The following EFNA5 variants were observed in gnomAD, a reference collection of about 807,000 sequenced individuals.
The protein encoded by EFNA5 is ephrin-A5.
A neutral mutation model predicts 22.9 loss-of-function variants in EFNA5; 5 were observed. The ratio of observed to expected loss-of-function variants is 0.22; its 90% CI spans 0.11 to 0.46. The LOEUF is 0.46. Among genes scored for constraint, EFNA5 ranks in the 20% least tolerant of loss-of-function variants. EFNA5 has a pLI of 0.99. For synonymous variants in EFNA5, 113 were observed against 112.2 expected (o/e 1.01, Z -0.04); for missense variants, 237 against 293.3 (o/e 0.81, Z 1.40).
chr5:107,550,308 T>C (rs1748260865), intron 1 of EFNA5, among the ~76,000 whole-genome samples: 1 of 152,222 alleles, frequency 6.6e-6, no homozygotes, highest in African/African-American at 2.4e-5. Context: ...TTAATATGAT[T>C]GAATCATATA....
intron 1 of EFNA5, among the ~76,000 whole-genome samples, chr5:107,658,923 T>C (rs6896050): frequency 0.013 from 1,958 of 152,266 alleles, 50 homozygotes; most frequent in African/African-American, 0.044. Flanking sequence ...TACTGCAGTA[T>C]CTCCAGTACT....
intron 1 of EFNA5, among the ~76,000 whole-genome samples, chr5:107,627,102 C>T (rs1750158433): frequency 6.6e-6 from 1 of 152,168 alleles, no homozygotes; most frequent in African/African-American, 2.4e-5. Context: ...ATCTTCTTCT[C>T]ATAATATTTG....
intron 2 of EFNA5, among the ~76,000 whole-genome samples, chr5:107,420,907 A>G (rs1451871352): frequency 2.6e-5 from 4 of 152,168 alleles, no homozygotes; most frequent in Non-Finnish European, 4.4e-5. Flanking sequence ...TTGCACTTCT[A>G]CGAAAAACTA....
chr5:107,463,707 T>C (rs1238408100), intron 1 of EFNA5, among the ~76,000 whole-genome samples: 1 of 152,012 alleles, frequency 6.6e-6, no homozygotes, highest in African/African-American at 2.4e-5. Context: ...AGGGATGCTA[T>C]AGCTATAAGA....
intron 1 of EFNA5, among the ~76,000 whole-genome samples, chr5:107,633,897 G>C (rs574342354): frequency 7.9e-5 from 12 of 152,220 alleles, no homozygotes; most frequent in Admixed American, 2.0e-4. Context: ...CCTAGATCTA[G>C]CCCAGGAAGT....
intron 1 of EFNA5, among the ~76,000 whole-genome samples, chr5:107,637,391 C>T (rs768215897): frequency 2.2e-4 from 33 of 152,078 alleles, no homozygotes; most frequent in Non-Finnish European, 4.7e-4. Context: ...AATCACAAAC[C>T]TAACCCTCAA....
chr5:107,605,694 C>T (rs1479892391), intron 1 of EFNA5, among the ~76,000 whole-genome samples: 1 of 152,044 alleles, frequency 6.6e-6, no homozygotes, highest in Non-Finnish European at 1.5e-5. Flanking sequence ...TTTCAACAGG[C>T]TTTGACTGAG....
intron 1 of EFNA5, among the ~76,000 whole-genome samples, chr5:107,660,426 A>G (rs917756301): frequency 2.0e-5 from 3 of 150,420 alleles, no homozygotes; most frequent in Non-Finnish European, 3.0e-5. Context: ...TGTTGACAAT[A>G]AAGTATGTAT....
intron 1 of EFNA5, among the ~76,000 whole-genome samples, chr5:107,637,560 T>C (rs920495035): frequency 6.6e-6 from 1 of 151,536 alleles, no homozygotes; most frequent in Non-Finnish European, 1.5e-5. Context: ...TTTTCAAGTA[T>C]GGTACTGAGT....
At chr5:107,416,041 A>G (rs941058683) in intron 2 of EFNA5, among the ~76,000 whole-genome samples, 7 of 152,226 alleles carry the variant, frequency 4.6e-5, no homozygotes, top group African/African-American at 1.7e-4. Context: ...TATACTTTCA[A>G]TACTCTTGCT....
intron 1 of EFNA5, among the ~76,000 whole-genome samples, chr5:107,471,102 A>C (rs1750128934): frequency 6.6e-6 from 1 of 152,112 alleles, no homozygotes; most frequent in African/African-American, 2.4e-5. Context: ...CCAATTCATC[A>C]GGCTTTCCCA....
chr5:107,611,199 A>G (rs1749814463), intron 1 of EFNA5, among the ~76,000 whole-genome samples: 1 of 152,230 alleles, frequency 6.6e-6, no homozygotes, highest in Non-Finnish European at 1.5e-5. Flanking sequence ...ACCGACAAAA[A>G]TAATGACATA....
intron 1 of EFNA5, among the ~76,000 whole-genome samples, chr5:107,596,778 A>C (rs988852924): frequency 6.6e-6 from 1 of 152,172 alleles, no homozygotes; most frequent in Non-Finnish European, 1.5e-5. Context: ...TCCAAAGTAG[A>C]CATGAGGAAA....
intron 1 of EFNA5, among the ~76,000 whole-genome samples, chr5:107,629,416 T>C (rs2112534889): frequency 1.3e-5 from 2 of 152,282 alleles, no homozygotes; most frequent in South Asian, 4.1e-4. Flanking sequence ...TATGATACTA[T>C]AATAGTGGAA....
intron 1 of EFNA5, among the ~76,000 whole-genome samples, chr5:107,580,172 T>C (rs1051669948): frequency 3.3e-5 from 5 of 152,308 alleles, no homozygotes; most frequent in East Asian, 1.9e-4. Flanking sequence ...GCCAGTGCAA[T>C]TGAAGATACT....
intron 2 of EFNA5, among the ~76,000 whole-genome samples, chr5:107,414,432 T>C (rs894306734): frequency 1.3e-5 from 2 of 152,202 alleles, no homozygotes; most frequent in African/African-American, 2.4e-5. Flanking sequence ...CACTGGATTG[T>C]GAGCTCCTAG....
chr5:107,642,596 AATCACCACTT>A (rs1251333672), intron 1 of EFNA5, among the ~76,000 whole-genome samples: 2 of 152,176 alleles, frequency 1.3e-5, no homozygotes, highest in Non-Finnish European at 2.9e-5. Flanking sequence ...ATCACCACTT[AATCACCACTT>A]AATTGGGCAG....
At chr5:107,409,419 G>C (rs1237079407) in intron 2 of EFNA5, among the ~76,000 whole-genome samples, 1 of 152,168 alleles carries the variant, frequency 6.6e-6, no homozygotes, top group African/African-American at 2.4e-5. Flanking sequence ...TAACTATGTA[G>C]GTAGGATAAT....
intron 1 of EFNA5, among the ~76,000 whole-genome samples, chr5:107,584,461 T>A (rs1454866356): frequency 1.3e-5 from 2 of 152,188 alleles, no homozygotes; most frequent in Admixed American, 1.3e-4. Flanking sequence ...TCCCCTGAGA[T>A]TTATATATTC....
Sources: allele counts gnomAD v4.1 joint callset (sites outside exome capture counted in the v4.1 genomes callset), GRCh38; gene constraint gnomAD v4.1.1; transcripts MANE v1.5; gene names NCBI Gene and HGNC (gene_info 2026-07-23, HGNC 2026-07-21).